Variants in SLC27A2 observed in about 807,000 individuals in gnomAD.
SLC27A2 encodes the protein long-chain fatty acid transport protein 2.
Under a neutral mutation model 60.0 loss-of-function variants are expected in SLC27A2, and 54 were observed. The observed-to-expected ratio is 0.90, with a 90% CI of 0.72 to 1.13. SLC27A2 has a LOEUF of 1.13. Among genes scored for constraint, SLC27A2 ranks in the 50% most tolerant of loss-of-function variants. SLC27A2 has a pLI of 0.00. For synonymous variants in SLC27A2, 297 were observed against 297.6 expected, an observed-to-expected ratio of 1.00 and a Z score of 0.02; for missense variants, 739 against 777.6, an observed-to-expected ratio of 0.95 and a Z score of 0.59.
intron 1 of SLC27A2, among the ~76,000 whole-genome samples, chr15:50,185,584 A>T (rs2044914239): frequency 6.6e-6 from 1 of 151,400 alleles, no homozygotes; most frequent in African/African-American, 2.4e-5. Context: ...TTTACAGAAG[A>T]AACTTTAATA....
chr15:50,200,425 AAT>A (rs1567429691), intron 2 of SLC27A2, among the ~76,000 whole-genome samples: 14 of 151,326 alleles, frequency 9.3e-5, no homozygotes, highest in Admixed American at 9.2e-4. Flanking sequence ...CAAAAATAAT[AAT>A]AATAATAATA....
intron 4 of SLC27A2, 95 bp from the exon 5 acceptor site, chr15:50,222,870 A>G (rs746141084): frequency 2.9e-6 from 3 of 1,036,618 alleles, no homozygotes; most frequent in Non-Finnish European, 4.2e-6. Flanking sequence ...ATGTCAGTAT[A>G]AATTAAATAC....
intron 1 of SLC27A2, among the ~76,000 whole-genome samples, chr15:50,191,456 C>A (rs1463435246): frequency 1.3e-5 from 2 of 152,208 alleles, no homozygotes; most frequent in African/African-American, 4.8e-5. Flanking sequence ...GCACAGCCTA[C>A]CTCCCTTAAT....
intron 4 of SLC27A2, among the ~76,000 whole-genome samples, chr15:50,212,841 C>A (rs1038254792): frequency 1.3e-5 from 2 of 152,122 alleles, no homozygotes; most frequent in African/African-American, 4.8e-5. Flanking sequence ...AACCTCTTTA[C>A]AGTATAAATC....
intron 4 of SLC27A2, among the ~76,000 whole-genome samples, chr15:50,220,313 G>A (rs2045233665): frequency 2.6e-5 from 4 of 152,164 alleles, no homozygotes; most frequent in Admixed American, 2.6e-4. Context: ...GAGGTTTCCT[G>A]GTAGAGATTA....
chr15:50,203,994 T>A (rs1409377591), intron 3 of SLC27A2, among the ~76,000 whole-genome samples: 1 of 151,986 alleles, frequency 6.6e-6, no homozygotes, highest in Non-Finnish European at 1.5e-5. Context: ...ATCTGTACTA[T>A]TTTGTTATAG....
chr15:50,197,724 G>A lies in SLC27A2; in HGVS notation c.688+15G>A, dbSNP rs199686561. 4.4e-6 allele frequency: 7 copies of A among 1,585,392 alleles called. No individual in the cohort carries two copies. The Admixed American group carries it at 1.0e-4, about 23-fold the overall frequency. ...TGGAACCACAGGTAAAAATAAAGGGGGGATTCTCCAAAAAAATTAATCTGA... is the reference window on the plus strand; with the variant it reads ...TGGAACCACAGGTAAAAATAAAGGGAGGATTCTCCAAAAAAATTAATCTGA... On this transcript the variant is annotated intron_variant, in intron 2 of 9. Coordinates refer to ENST00000267842, the MANE Select transcript of SLC27A2 (RefSeq NM_003645.4).
At chr15:50,225,020 A>C (rs1019925981) in intron 5 of SLC27A2, among the ~76,000 whole-genome samples, 5 of 152,194 alleles carry the variant, frequency 3.3e-5, no homozygotes, top group African/African-American at 1.2e-4. Context: ...AACTTTAAAA[A>C]CCGGATGATC....
In SLC27A2 at chr15:50,182,310, T is replaced by A; in HGVS notation, c.-118T>A. On this transcript the variant is annotated 5_prime_UTR_variant, in exon 1 of 10. Coordinates refer to ENST00000267842, the MANE Select transcript of SLC27A2 (RefSeq NM_003645.4). The stretch of plus-strand genomic sequence containing the variant: ...CCCTTCATCTCACGCGAGCCCGGCG[T>A]CCCGCCGCGTGCGCCCCGGCGCAGC... 3 of 1,323,126 alleles carry A rather than the reference T, an allele frequency of 2.3e-6. No homozygotes were observed. The South Asian group carries it at 6.9e-5, about 30-fold the overall frequency. The allele number at this position is 1,323,126 out of a possible 1,614,324, so 82.0% of individuals were successfully genotyped here.
rs148599429 is a variant in SLC27A2 at position 50,230,548 on chromosome 15, A to C, written c.1555+1506A>C. Among the ~76,000 whole-genome samples the C allele has an allele frequency of 3.8e-3, 581 of 152,312 alleles. 6 individuals are homozygous for C. The highest frequency in any genetic ancestry group is 0.013 in the African/African-American group (550 of 41,564). The stretch of plus-strand genomic sequence containing the variant: ...ACAGAGTGAGGCTCCATCTCAAAAA[A>C]ACAAAAAGAATATTCAAGAATATCT... On this transcript the variant is annotated intron_variant, in intron 8 of 9. Coordinates refer to ENST00000267842, the MANE Select transcript of SLC27A2 (RefSeq NM_003645.4).
At chr15:50,220,189 C>T (rs2045232763) in intron 4 of SLC27A2, among the ~76,000 whole-genome samples, 1 of 152,210 alleles carries the variant, frequency 6.6e-6, no homozygotes, top group Admixed American at 6.5e-5. Flanking sequence ...CTGCTACTGG[C>T]AGGTGATAGC....
chr15:50,212,490 T>A (rs1393303572), intron 4 of SLC27A2, among the ~76,000 whole-genome samples: 1 of 152,218 alleles, frequency 6.6e-6, no homozygotes, highest in African/African-American at 2.4e-5. Context: ...CACATTGTCA[T>A]CAGGTTATCC....
intron 4 of SLC27A2, among the ~76,000 whole-genome samples, chr15:50,215,151 TAGCTCTTCTATACACCAAC>T (rs1218978740): frequency 6.6e-6 from 1 of 152,138 alleles, no homozygotes; most frequent in African/African-American, 2.4e-5. Context: ...CACAAATCAG[TAGCTCTTCTATACACCAAC>T]AGCGACCAAG....
At chr15:50,197,398 A>C in intron 1 of SLC27A2, 102 bp from the exon 2 acceptor site, 3 of 881,286 alleles carry the variant, frequency 3.4e-6, no homozygotes, top group Non-Finnish European at 5.2e-6. Flanking sequence ...ACATTTAAGC[A>C]AAAAATTATG....
At chr15:50,232,040 T>C (rs1239014711) in intron 8 of SLC27A2, among the ~76,000 whole-genome samples, 3 of 152,254 alleles carry the variant, frequency 2.0e-5, no homozygotes, top group Non-Finnish European at 4.4e-5. Flanking sequence ...AACTTTCAGA[T>C]TCTGTGATTC....
chr15:50,215,040 C>T (rs891535001), intron 4 of SLC27A2, among the ~76,000 whole-genome samples: 1 of 151,978 alleles, frequency 6.6e-6, no homozygotes, highest in Non-Finnish European at 1.5e-5. Context: ...TGCTTGCTGA[C>T]GATATGATCA....
intron 4 of SLC27A2, among the ~76,000 whole-genome samples, chr15:50,220,787 C>A (rs2045236909): frequency 6.6e-6 from 1 of 151,662 alleles, no homozygotes; most frequent in African/African-American, 2.4e-5. Flanking sequence ...TGAAAGATAA[C>A]CAGCATTCCA....
chr15:50,224,229 A>G (rs901226076), intron 5 of SLC27A2, among the ~76,000 whole-genome samples: 1 of 152,188 alleles, frequency 6.6e-6, no homozygotes, highest in Non-Finnish European at 1.5e-5. Context: ...TCATGAGATC[A>G]GGAGATCGAG....
intron 1 of SLC27A2, among the ~76,000 whole-genome samples, chr15:50,183,849 G>A (rs938812964): frequency 1.3e-5 from 2 of 152,082 alleles, no homozygotes; most frequent in Admixed American, 6.5e-5. Context: ...TCTGTGCTAA[G>A]CCCTATAGTA....
Sources: allele counts gnomAD v4.1 joint callset (sites outside exome capture counted in the v4.1 genomes callset), GRCh38; gene constraint gnomAD v4.1.1; transcripts MANE v1.5; gene names NCBI Gene and HGNC (gene_info 2026-07-23, HGNC 2026-07-21).